The following WDR70 variants were observed in gnomAD, a reference collection of about 807,000 sequenced individuals.
The protein encoded by WDR70 is WD repeat-containing protein 70.
Under a neutral mutation model 88.6 loss-of-function variants are expected in WDR70, and 53 were observed. The ratio of observed to expected loss-of-function variants is 0.60; its 90% CI spans 0.48 to 0.75. The LOEUF is 0.75. Ranked by LOEUF, WDR70 falls within the 30% of genes least tolerant of loss-of-function variation. The probability of loss-of-function intolerance (pLI) is 0.00; values close to 1 mark genes in which losing one functional copy is unlikely to be tolerated. For synonymous variants in WDR70, 280 were observed against 270.0 expected, an observed-to-expected ratio of 1.04 and a Z score of -0.36; for missense variants, 610 against 823.2, an observed-to-expected ratio of 0.74 and a Z score of 3.17.
At chr5:37,512,828 G>C (rs1009663559) in intron 8 of WDR70, among the ~76,000 whole-genome samples, 8 of 151,864 alleles carry the variant, frequency 5.3e-5, no homozygotes, top group African/African-American at 1.9e-4. Context: ...CAAGCAATCC[G>C]CCTGTCTTGG....
intron 4 of WDR70, among the ~76,000 whole-genome samples, chr5:37,392,529 T>C (rs1030511398): frequency 6.6e-6 from 1 of 152,150 alleles, no homozygotes; most frequent in African/African-American, 2.4e-5. Context: ...CTTGTATTTT[T>C]AGTAGAGACA....
At chr5:37,636,223 G>C (rs901430885) in intron 10 of WDR70, among the ~76,000 whole-genome samples, 3 of 54,496 alleles carry the variant, frequency 5.5e-5, no homozygotes, top group Admixed American at 2.4e-4. Context: ...GACCGAATCA[G>C]GGGCAAGTCT....
chr5:37,526,573 A>G (rs939276663), intron 9 of WDR70, among the ~76,000 whole-genome samples: 4 of 152,218 alleles, frequency 2.6e-5, no homozygotes, highest in Non-Finnish European at 5.9e-5. Context: ...AAACTGCCAC[A>G]AGACAGGGAT....
chr5:37,625,481 T>TTCTA (rs1374684742), intron 10 of WDR70, among the ~76,000 whole-genome samples: 1 of 152,132 alleles, frequency 6.6e-6, no homozygotes, highest in African/African-American at 2.4e-5. Context: ...GTATGTCGTC[T>TTCTA]TCTATCTGTT....
chr5:37,690,230 G>A (rs896493933), intron 10 of WDR70, among the ~76,000 whole-genome samples: 55 of 152,328 alleles, frequency 3.6e-4, no homozygotes, highest in African/African-American at 1.3e-3. Flanking sequence ...CCAAATCTAT[G>A]TTTGATTGGT....
At chr5:37,487,914 G>A (rs967216040) in intron 8 of WDR70, among the ~76,000 whole-genome samples, 7 of 151,852 alleles carry the variant, frequency 4.6e-5, no homozygotes, top group African/African-American at 9.7e-5. Context: ...ATGAGCCACC[G>A]CATCCAGCCC....
intron 10 of WDR70, among the ~76,000 whole-genome samples, chr5:37,606,222 C>T (rs533929650): frequency 7.2e-5 from 11 of 152,134 alleles, no homozygotes; most frequent in South Asian, 2.1e-4. Flanking sequence ...TGTTGATAGA[C>T]GGGAAAAGAA....
intron 8 of WDR70, among the ~76,000 whole-genome samples, chr5:37,491,873 A>G (rs891830877): frequency 6.6e-6 from 1 of 152,180 alleles, no homozygotes; most frequent in African/African-American, 2.4e-5. Flanking sequence ...AGTACATTTT[A>G]TTTCTTTCCA....
chr5:37,533,434 A>T (rs939785226), intron 9 of WDR70, among the ~76,000 whole-genome samples: 1 of 150,196 alleles, frequency 6.7e-6, no homozygotes, highest in Non-Finnish European at 1.5e-5. Flanking sequence ...TCTACTTAAA[A>T]CAACAACAAA....
At chr5:37,734,622 AG>A (rs971824084) in intron 17 of WDR70, among the ~76,000 whole-genome samples, 2 of 152,112 alleles carry the variant, frequency 1.3e-5, no homozygotes, top group Non-Finnish European at 2.9e-5. Context: ...GAGGGATAAA[AG>A]GGGGACATAG....
intron 5 of WDR70, among the ~76,000 whole-genome samples, chr5:37,421,577 T>C (rs1288660498): frequency 6.6e-6 from 1 of 152,252 alleles, no homozygotes; most frequent in East Asian, 1.9e-4. Context: ...TCTTTTGTGC[T>C]ACCTCTGATT....
chr5:37,438,002 T>C (rs1750528919), intron 6 of WDR70, 21 bp downstream of exon 6: 1 of 1,595,890 alleles, frequency 6.3e-7, no homozygotes, highest in African/African-American at 1.3e-5. Flanking sequence ...AAATCTAGTT[T>C]TTTCCTCTCT....
chr5:37,489,804 T>TA (rs200695245), intron 8 of WDR70, among the ~76,000 whole-genome samples: 2,005 of 151,324 alleles, frequency 0.013, 43 homozygotes, highest in African/African-American at 0.046. Context: ...TTTTTTTTTT[T>TA]ATTATTATAC....
chr5:37,598,222 A>G (rs181628399), intron 9 of WDR70, among the ~76,000 whole-genome samples: 110 of 147,668 alleles, frequency 7.4e-4, no homozygotes, highest in Non-Finnish European at 1.4e-3. Flanking sequence ...AACAGTAGAT[A>G]TAAATTATGA....
Position 37,416,196 on chromosome 5 carries a change from G to A in WDR70, c.492+19626G>A, listed in dbSNP as rs189218505. Among the ~76,000 whole-genome samples, 1,150 of 152,262 alleles carry A rather than the reference G, an allele frequency of 7.6e-3. 18 individuals are homozygous for A. The highest frequency in any genetic ancestry group is 0.029 in the Admixed American group (441 of 15,294). The stretch of plus-strand genomic sequence containing the variant: ...GGAGGTTGTAGCGAGCCGAGATCAC[G>A]CCACTGCACTCCAGCCTGGGCACCA... On this transcript the variant is annotated intron_variant, in intron 5 of 17. Transcript: ENST00000265107.
At chr5:37,454,506 TA>T (rs1488606407) in intron 7 of WDR70, among the ~76,000 whole-genome samples, 1 of 151,946 alleles carries the variant, frequency 6.6e-6, no homozygotes, top group East Asian at 1.9e-4. Context: ...TTCAAATAAA[TA>T]AAAAAAGAAA....
chr5:37,527,469 T>C lies in WDR70; in HGVS notation c.917+10879T>C, dbSNP rs183059920. Among the ~76,000 whole-genome samples the C allele has an allele frequency of 7.4e-3, 1,123 of 152,294 alleles. 17 individuals are homozygous for C. Among genetic ancestry groups the C allele is most frequent in the African/African-American group, 0.025 (1,056 of 41,560 alleles). On this transcript the variant is annotated intron_variant, in intron 9 of 17. Coordinates refer to ENST00000265107, the MANE Select transcript of WDR70 (RefSeq NM_018034.4). ...AACTGGATCCCTTCCTTATACCTTA[T>C]ACAAAAATTAATTCAAGATGGATTA... is the stretch of plus-strand genomic sequence containing the variant.
intron 17 of WDR70, among the ~76,000 whole-genome samples, chr5:37,736,628 C>CT (rs1248508283): frequency 3.8e-5 from 4 of 104,696 alleles, no homozygotes; most frequent in African/African-American, 1.1e-4. Flanking sequence ...TTTTTTTTTT[C>CT]TTTTTTTTTT....
At position 37,564,351 on chromosome 5, in the gene WDR70, C is replaced by T. The variant is rs1021249368; in HGVS notation, c.918-40713C>T. 4.1e-4 allele frequency among the ~76,000 whole-genome samples: 63 copies of T among 152,344 alleles called. 1 individual carries two copies. The highest frequency in any genetic ancestry group is 1.3e-3 in the African/African-American group (55 of 41,598). On this transcript the variant is annotated intron_variant, in intron 9 of 17. Coordinates refer to ENST00000265107, the MANE Select transcript of WDR70 (RefSeq NM_018034.4). ...CCAGCCCGGCCAACACAGCGAAACCCCGTCTCCACCAAAAAAAATACGAAA... is the reference window on the plus strand; with the variant it reads ...CCAGCCCGGCCAACACAGCGAAACCTCGTCTCCACCAAAAAAAATACGAAA...
Sources: allele counts gnomAD v4.1 joint callset (sites outside exome capture counted in the v4.1 genomes callset), GRCh38; gene constraint gnomAD v4.1.1; transcripts MANE v1.5; gene names NCBI Gene and HGNC (gene_info 2026-07-23, HGNC 2026-07-21).